The following PLEKHH2 variants were observed in gnomAD, a reference collection of about 807,000 sequenced individuals.
PLEKHH2 encodes pleckstrin homology, MyTH4 and FERM domain containing H2.
Under a neutral mutation model 187.9 loss-of-function variants are expected in PLEKHH2, and 129 were observed. The ratio of observed to expected loss-of-function variants is 0.69; its 90% CI spans 0.59 to 0.79. The LOEUF is 0.79. PLEKHH2 is among the 30% of genes least tolerant of loss of function. PLEKHH2 has a pLI of 0.00. For missense variants in PLEKHH2, 2,076 were observed against 1,751.2 expected, an observed-to-expected ratio of 1.19 and a Z score of -3.31; for synonymous variants, 686 against 605.6, an observed-to-expected ratio of 1.13 and a Z score of -1.95.
chr2:43,671,649 A>G (rs1667503800), intron 2 of PLEKHH2, among the ~76,000 whole-genome samples: 1 of 152,112 alleles, frequency 6.6e-6, no homozygotes, highest in Non-Finnish European at 1.5e-5. Flanking sequence ...TTAGTTTGTT[A>G]AGAGATTTTT....
At chr2:43,757,510 C>T (rs1672262482) in intron 26 of PLEKHH2, among the ~76,000 whole-genome samples, 1 of 151,314 alleles carries the variant, frequency 6.6e-6, no homozygotes, top group African/African-American at 2.4e-5. Context: ...AGCTCCGCCT[C>T]CCGGGTACAG....
At chr2:43,714,165 A>T (rs148266974) in intron 15 of PLEKHH2, among the ~76,000 whole-genome samples, 662 of 152,318 alleles carry the variant, frequency 4.3e-3, no homozygotes, top group Non-Finnish European at 7.4e-3. Context: ...AGAGTTTAAG[A>T]TGATCCCATG....
chr2:43,716,405 G>T (rs1165286177), intron 15 of PLEKHH2, among the ~76,000 whole-genome samples: 1 of 152,132 alleles, frequency 6.6e-6, no homozygotes, highest in Non-Finnish European at 1.5e-5. Context: ...TATTCCGTAC[G>T]ACAATGTTAT....
At chr2:43,709,379 C>T (rs6544693) in intron 11 of PLEKHH2, among the ~76,000 whole-genome samples, 10,951 of 152,086 alleles carry the variant, frequency 0.072, 1,236 homozygotes, top group African/African-American at 0.24. Context: ...TAAGGTTCAA[C>T]ATTTGTTTGC....
In PLEKHH2 at chr2:43,699,791, A is replaced by G. The variant is rs926252212; in HGVS notation, c.833A>G (p.Asn278Ser). 6 of 1,614,034 alleles carry G rather than the reference A, an allele frequency of 3.7e-6. No homozygotes were observed. In the African/African-American group the frequency reaches 8.0e-5, roughly 22 times the overall value. The change falls in exon 8 of 30, where the codon AAT becomes AGT. Residue 278 changes from asparagine to serine, a missense_variant. Asn to Ser is a conservative substitution (Grantham distance 46). Coordinates refer to ENST00000282406, the MANE Select transcript of PLEKHH2 (RefSeq NM_172069.4). ...SFATDGGISQ[N>S]SGAPVSDWSS... ...GCCACAGATGGTGGCATCTCCCAGA[A>G]TTCTGGGGCTCCTGTGAGTGACTGG...
At chr2:43,722,005 C>G (rs1670503098) in intron 16 of PLEKHH2, among the ~76,000 whole-genome samples, 1 of 151,676 alleles carries the variant, frequency 6.6e-6, no homozygotes, top group Non-Finnish European at 1.5e-5. Flanking sequence ...ACTCATCAGT[C>G]AGGAAAACAG....
At chr2:43,746,046 A>G in intron 24 of PLEKHH2, 83 bp downstream of exon 24, 1 of 775,958 alleles carries the variant, frequency 1.3e-6, no homozygotes, top group Non-Finnish European at 1.9e-6. Flanking sequence ...TTTCTATTGA[A>G]TGCCTTAAAA....
intron 15 of PLEKHH2, among the ~76,000 whole-genome samples, chr2:43,719,441 C>T (rs751098612): frequency 1.5e-4 from 23 of 152,136 alleles, no homozygotes; most frequent in South Asian, 4.2e-4. Flanking sequence ...TTCATCTTCT[C>T]ACTTCTTTTT....
chr2:43,728,522 G>A, intron 17 of PLEKHH2, among the ~76,000 whole-genome samples: 1 of 146,594 alleles, frequency 6.8e-6, no homozygotes. Context: ...GTTAGTAAAT[G>A]TAGCCAAAAA....
At chr2:43,727,509 A>C (rs945816614) in intron 17 of PLEKHH2, among the ~76,000 whole-genome samples, 1 of 152,326 alleles carries the variant, frequency 6.6e-6, no homozygotes, top group African/African-American at 2.4e-5. Flanking sequence ...TATTTATGTC[A>C]AATATTATCA....
At chr2:43,747,342 C>T (rs567766489) in intron 24 of PLEKHH2, among the ~76,000 whole-genome samples, 1 of 152,120 alleles carries the variant, frequency 6.6e-6, no homozygotes, top group Non-Finnish European at 1.5e-5. Flanking sequence ...TGAGGGCACA[C>T]AACAGTGAGC....
chr2:43,754,966 G>A (rs368994214), intron 25 of PLEKHH2, among the ~76,000 whole-genome samples: 5 of 144,380 alleles, frequency 3.5e-5, no homozygotes, highest in South Asian at 2.2e-4. Flanking sequence ...CCCACCTCCC[G>A]GGTTCAAGCG....
chr2:43,754,203 C>CAAAAA (rs1472842755), intron 25 of PLEKHH2, among the ~76,000 whole-genome samples: 2 of 142,648 alleles, frequency 1.4e-5, no homozygotes, highest in African/African-American at 5.7e-5. Flanking sequence ...CACACACACA[C>CAAAAA]ACAAAATTAA....
chr2:43,712,141 G>C, intron 14 of PLEKHH2, 84 bp from the exon 15 acceptor site: 9 of 1,499,938 alleles, frequency 6.0e-6, no homozygotes, highest in Non-Finnish European at 8.3e-6. Context: ...GTTAAGTAAT[G>C]ACGTTTGAAT....
At chr2:43,744,118 C>T (rs777477045) in intron 23 of PLEKHH2, 129 bp downstream of exon 23, 203 of 1,398,256 alleles carry the variant, frequency 1.5e-4, no homozygotes, top group Non-Finnish European at 1.7e-4. Context: ...CTAATCTCCA[C>T]GATAAGAAAA....
At position 43,712,251 on chromosome 2, in the gene PLEKHH2, T is replaced by A. The variant is rs1349955987; in HGVS notation, c.2328T>A (p.Tyr776Ter). ...VQLTTEKHTY[Y>*]LTADSPNILE... ...TGACCACTGAAAAACACACATACTA[T>A]CTGACTGCAGATTCTCCCAATATAT... The change falls in exon 15 of 30, where the codon TAT (tyrosine) becomes TAA (stop). Residue 776 changes from tyrosine to a stop codon, truncating the protein, a stop_gained. Transcript: ENST00000282406. LOFTEE classifies it high-confidence loss of function. 1.2e-6 allele frequency: 2 copies of A among 1,613,506 alleles called. No homozygotes were observed. Among genetic ancestry groups the A allele is most frequent in the Non-Finnish European group, 1.7e-6 (2 of 1,179,506 alleles).
intron 19 of PLEKHH2, among the ~76,000 whole-genome samples, 200 bp from the exon 20 acceptor site, chr2:43,738,141 G>A (rs1211271857): frequency 6.6e-6 from 1 of 152,080 alleles, no homozygotes; most frequent in East Asian, 1.9e-4. Flanking sequence ...CTTTATCTCT[G>A]GCAGAATTCC....
chr2:43,729,609 C>T, intron 17 of PLEKHH2, 28 bp from the exon 18 acceptor site: 3 of 1,395,526 alleles, frequency 2.1e-6, no homozygotes, highest in African/African-American at 2.9e-5. Context: ...TGTGTCTTAA[C>T]ATTTAATTAA....
chr2:43,677,780 C>A (rs1442793031), intron 2 of PLEKHH2, among the ~76,000 whole-genome samples: 1 of 150,402 alleles, frequency 6.6e-6, no homozygotes, highest in Non-Finnish European at 1.5e-5. Context: ...GGTGGCTGGG[C>A]AGAGGCGCCC....
Sources: gnomAD v4.1 joint callset for allele counts (sites outside exome capture counted in the v4.1 genomes callset) on GRCh38, gnomAD v4.1.1 for gene constraint, MANE v1.5 for transcripts, NCBI Gene and HGNC (gene_info 2026-07-23, HGNC 2026-07-21) for gene names.